ADAM12: variants seen among roughly 807,000 people sequenced by gnomAD.
ADAM12 encodes disintegrin and metalloproteinase domain-containing protein 12.
In ADAM12, 70 loss-of-function variants were observed where a neutral mutation model predicts 106.4. That is an observed-to-expected ratio of 0.66 (90% CI 0.54 to 0.80). ADAM12 has a LOEUF of 0.80. Among genes scored for constraint, ADAM12 ranks in the 30% least tolerant of loss-of-function variants. The pLI, the probability that ADAM12 is intolerant of heterozygous loss-of-function variation, is 0.00. For missense variants in ADAM12, 1,010 were observed against 1,171.9 expected (o/e 0.86, Z 2.02); for synonymous variants, 420 against 433.5 (o/e 0.97, Z 0.39).
chr10:126,162,854 C>T (rs1432417607), intron 3 of ADAM12, among the ~76,000 whole-genome samples: 2 of 152,140 alleles, frequency 1.3e-5, no homozygotes, highest in Non-Finnish European at 2.9e-5. Flanking sequence ...TACTTGTCCC[C>T]ACTCAAATCT....
chr10:126,374,686 T>A (rs745404528), intron 1 of ADAM12, among the ~76,000 whole-genome samples: 7 of 151,974 alleles, frequency 4.6e-5, no homozygotes, highest in Non-Finnish European at 1.0e-4. Context: ...GATAAAGAGA[T>A]GAAGAGAAGC....
chr10:126,034,752 TTC>T (rs1475920070), intron 21 of ADAM12, among the ~76,000 whole-genome samples: 2 of 152,318 alleles, frequency 1.3e-5, no homozygotes, highest in Middle Eastern at 3.4e-3. Context: ...AAGTAACCAT[TTC>T]TGTTTGCTGC....
chr10:126,335,917 G>C (rs562517209), intron 1 of ADAM12, among the ~76,000 whole-genome samples: 13 of 152,056 alleles, frequency 8.5e-5, no homozygotes, highest in Non-Finnish European at 1.9e-4. Flanking sequence ...AATTCCCAAA[G>C]AGGTACGCTC....
intron 1 of ADAM12, among the ~76,000 whole-genome samples, chr10:126,352,429 A>C (rs1855395499): frequency 6.6e-6 from 1 of 152,264 alleles, no homozygotes; most frequent in Admixed American, 6.5e-5. Flanking sequence ...AGTTTAAGAT[A>C]AATTAAGAAA....
chr10:126,325,842 C>G (rs909904927), intron 2 of ADAM12, among the ~76,000 whole-genome samples: 5 of 152,182 alleles, frequency 3.3e-5, no homozygotes, highest in Admixed American at 2.0e-4. Flanking sequence ...GCGTATTTTA[C>G]AGCCATCGTT....
chr10:126,305,944 C>T (rs2133807306), intron 2 of ADAM12, among the ~76,000 whole-genome samples: 1 of 151,952 alleles, frequency 6.6e-6, no homozygotes, highest in Non-Finnish European at 1.5e-5. Context: ...TTACTTGATT[C>T]CTGTAGGAAG....
chr10:126,349,986 C>A (rs1855291535), intron 1 of ADAM12, among the ~76,000 whole-genome samples: 1 of 152,168 alleles, frequency 6.6e-6, no homozygotes, highest in African/African-American at 2.4e-5. Context: ...AGCCAAGAAG[C>A]CACATAGTAG....
chr10:126,060,420 G>A (rs373201251), intron 14 of ADAM12, among the ~76,000 whole-genome samples: 1 of 152,108 alleles, frequency 6.6e-6, no homozygotes, highest in Non-Finnish European at 1.5e-5. Flanking sequence ...TCAGCAACTC[G>A]GGCAAGGTCA....
chr10:126,274,450 T>C (rs1436377102), intron 3 of ADAM12, among the ~76,000 whole-genome samples: 1 of 152,148 alleles, frequency 6.6e-6, no homozygotes, highest in African/African-American at 2.4e-5. Context: ...CTAACAAATT[T>C]CCTTCTGAAC....
intron 6 of ADAM12, among the ~76,000 whole-genome samples, chr10:126,110,656 C>T (rs1275601914): frequency 6.6e-6 from 1 of 152,022 alleles, no homozygotes; most frequent in East Asian, 1.9e-4. Context: ...AAATAGGAAC[C>T]CCGTCCCCCA....
intron 8 of ADAM12, among the ~76,000 whole-genome samples, chr10:126,103,428 G>C (rs143952977): frequency 6.6e-6 from 1 of 152,304 alleles, no homozygotes; most frequent in African/African-American, 2.4e-5. Context: ...TGCATCACAG[G>C]CATGATGCCA....
intron 3 of ADAM12, among the ~76,000 whole-genome samples, chr10:126,233,490 A>G (rs1958353881): frequency 6.6e-6 from 1 of 152,080 alleles, no homozygotes. Flanking sequence ...GTAGAGAGGC[A>G]CCGCAGGGCC....
intron 2 of ADAM12, among the ~76,000 whole-genome samples, chr10:126,287,816 C>T (rs1959944224): frequency 6.6e-6 from 1 of 152,060 alleles, no homozygotes; most frequent in Non-Finnish European, 1.5e-5. Context: ...AGCAAAGTTC[C>T]TCATTTGTGA....
At chr10:126,046,210 A>G in intron 16 of ADAM12, 78 bp from the exon 17 acceptor site, 1 of 1,352,146 alleles carries the variant, frequency 7.4e-7, no homozygotes, top group Admixed American at 1.7e-5. Context: ...CTGTATTCAA[A>G]CAAAAAGCAA....
intron 1 of ADAM12, among the ~76,000 whole-genome samples, chr10:126,370,157 G>A (rs1247742183): frequency 2.0e-5 from 3 of 152,110 alleles, no homozygotes; most frequent in Non-Finnish European, 4.4e-5. Flanking sequence ...TCCAGTCCTG[G>A]CTAACATCTT....
chr10:126,256,033 C>T (rs555160953), intron 3 of ADAM12, among the ~76,000 whole-genome samples: 1 of 152,266 alleles, frequency 6.6e-6, no homozygotes, highest in South Asian at 2.1e-4. Flanking sequence ...GTAGTTAGGA[C>T]CAGCCAAGTC....
intron 1 of ADAM12, among the ~76,000 whole-genome samples, chr10:126,363,525 G>A (rs1213097976): frequency 2.6e-5 from 4 of 152,168 alleles, no homozygotes; most frequent in African/African-American, 4.8e-5. Context: ...CTGCTCTGAA[G>A]AGGTAGAACC....
At chr10:126,162,843 A>ATACT (rs1167488241) in intron 3 of ADAM12, among the ~76,000 whole-genome samples, 1 of 152,140 alleles carries the variant, frequency 6.6e-6, no homozygotes, top group Non-Finnish European at 1.5e-5. Context: ...TGTAGTTTAG[A>ATACT]TACTTGTCCC....
chr10:126,192,198 G>C (rs1301947595), intron 3 of ADAM12, among the ~76,000 whole-genome samples: 1 of 152,162 alleles, frequency 6.6e-6, no homozygotes, highest in Non-Finnish European at 1.5e-5. Context: ...TAACTTCTCT[G>C]TGACTGCTTT....
Sources: allele counts gnomAD v4.1 joint callset (sites outside exome capture counted in the v4.1 genomes callset), GRCh38; gene constraint gnomAD v4.1.1; transcripts MANE v1.5; gene names NCBI Gene and HGNC (gene_info 2026-07-23, HGNC 2026-07-21).